Variants in FAM131B observed in about 807,000 individuals in gnomAD.
FAM131B encodes the protein protein FAM131B.
FAM131B carries 19 observed loss-of-function variants against 42.0 expected under a neutral mutation model. The observed-to-expected ratio is 0.45, with a 90% CI of 0.32 to 0.66. The LOEUF (loss-of-function observed/expected upper bound fraction) is 0.66, where lower values mean the gene tolerates loss of function less well. Ranked by LOEUF, FAM131B falls within the 30% of genes least tolerant of loss-of-function variation. The probability of loss-of-function intolerance (pLI) is 0.05; values close to 1 mark genes in which losing one functional copy is unlikely to be tolerated. For missense variants in FAM131B, 370 were observed against 468.4 expected, an observed-to-expected ratio of 0.79 and a Z score of 1.94; for synonymous variants, 183 against 177.6, an observed-to-expected ratio of 1.03 and a Z score of -0.24.
chr7:143,381,052 C>T, the FAM131B span: 391 of 324,854 alleles, frequency 1.2e-3, 2 homozygotes, highest in African/African-American at 8.4e-3. Context: ...GAAATGACAT[C>T]AGAGGCCTGT....
chr7:143,372,576 T>C, the FAM131B span, among the ~76,000 whole-genome samples: 1 of 152,352 alleles, frequency 6.6e-6, no homozygotes, highest in African/African-American at 2.4e-5. Context: ...GCACCTGCAA[T>C]GGGACTAGCG....
chr7:143,366,429 C>T (rs1480571413), upstream of FAM131B, among the ~76,000 whole-genome samples: 3 of 152,130 alleles, frequency 2.0e-5, no homozygotes, highest in Non-Finnish European at 2.9e-5. Flanking sequence ...CTTTGGGGCA[C>T]TCCTAGTGGT....
chr7:143,357,345 T>G lies in FAM131B; in HGVS notation c.545A>C (p.Asn182Thr). The part of the protein sequence containing the change: ...SSMDGEDMSV[N>T]STQEPLGCNY... ...GCAGCCCAATGGCTCCTGGGTGGAG[T>G]TCACACTCATGTCCTCACCATCCAT... Residue 182 changes from asparagine to threonine, a missense_variant, in exon 6 of 7, where the codon AAC (asparagine) becomes ACC (threonine). Coordinates refer to ENST00000443739, the MANE Select transcript of FAM131B (RefSeq NM_001031690.3). The G allele has an allele frequency of 1.2e-6, 2 of 1,614,052 alleles. No individual in the cohort carries two copies. The highest frequency in any genetic ancestry group is 1.7e-6 in the Non-Finnish European group (2 of 1,179,932).
At chr7:143,378,479 C>A in the FAM131B span, among the ~76,000 whole-genome samples, 1 of 152,142 alleles carries the variant, frequency 6.6e-6, no homozygotes, top group East Asian at 1.9e-4. Flanking sequence ...ATTTGCTGTA[C>A]TTCACACATA....
At chr7:143,365,429 A>C (rs191516180), upstream of FAM131B, among the ~76,000 whole-genome samples, 334 of 152,298 alleles carry the variant, frequency 2.2e-3, no homozygotes, top group Admixed American at 2.4e-3. Context: ...TGCAAATATC[A>C]ATATACAATT....
Position 143,359,121 on chromosome 7 carries a change from A to G in FAM131B, c.269-97T>C. 1 of 1,306,270 alleles carries G rather than the reference A, an allele frequency of 7.7e-7. No homozygotes were observed. Among genetic ancestry groups the G allele is most frequent in the South Asian group, 1.3e-5 (1 of 75,700 alleles). The allele number at this position is 1,306,270 out of a possible 1,614,324, so 80.9% of individuals were successfully genotyped here. On this transcript the variant is annotated intron_variant, in intron 4 of 6. Coordinates refer to ENST00000443739, the MANE Select transcript of FAM131B (RefSeq NM_001031690.3). This position sits in a 1 kb window ranked among gnomAD's most constrained non-coding sequence, Gnocchi z 5.4. Reference sequence around the variant, plus strand: ...TCCCACCCCAGCCCCATGAGGCTCCATCCCACTGGGCCAGGCTCCCCTAAG... The same window carrying G: ...TCCCACCCCAGCCCCATGAGGCTCCGTCCCACTGGGCCAGGCTCCCCTAAG...
At chr7:143,369,927 C>T in the FAM131B span, among the ~76,000 whole-genome samples, 2 of 152,154 alleles carry the variant, frequency 1.3e-5, no homozygotes, top group Non-Finnish European at 2.9e-5. Context: ...TGTTCACTCA[C>T]TGAATCAATC....
rs1803794692 is a variant in FAM131B, at chr7:143,358,547, G to A, written c.466+280C>T. Among the ~76,000 whole-genome samples the A allele has an allele frequency of 6.6e-6, 1 of 152,202 alleles. No individual in the cohort carries two copies. The highest frequency in any genetic ancestry group is 6.5e-5 in the Admixed American group (1 of 15,284). ...CCCATTTTTTTCCCTGCACTTGAGG[G>A]AGTTCAGGTTTGGATAGTCCCGTGA... is the stretch of plus-strand genomic sequence containing the variant. On this transcript the variant is annotated intron_variant, in intron 5 of 6. Transcript: ENST00000443739. This position sits in a 1 kb window ranked among gnomAD's most constrained non-coding sequence, Gnocchi z 4.7.
In FAM131B at chr7:143,354,272, C is replaced by T. The variant is rs1328272898; in HGVS notation, c.*2278G>A. ...CTTCAGATCTTTAGTCATCTTTTGTCAGGGACCATTTGGCTTCCTTGGGAA... is the reference window on the plus strand; with the variant it reads ...CTTCAGATCTTTAGTCATCTTTTGTTAGGGACCATTTGGCTTCCTTGGGAA... On this transcript the variant is annotated 3_prime_UTR_variant, in exon 7 of 7. Coordinates refer to ENST00000443739, the MANE Select transcript of FAM131B (RefSeq NM_001031690.3). The T allele has an allele frequency of 6.6e-6, 1 of 152,320 alleles. No individual in the cohort carries two copies. Among genetic ancestry groups the T allele is most frequent in the African/African-American group, 2.4e-5 (1 of 41,434 alleles). The allele number at this position is 152,320 out of a possible 1,614,324, so 9.4% of individuals were successfully genotyped here.
At chr7:143,382,260 C>T in the FAM131B span, 4 of 1,612,782 alleles carry the variant, frequency 2.5e-6, no homozygotes, top group South Asian at 1.1e-5. Flanking sequence ...TTTCCCCTGC[C>T]TCCACCTCCC....
At chr7:143,369,418 T>C in the FAM131B span, among the ~76,000 whole-genome samples, 1 of 152,194 alleles carries the variant, frequency 6.6e-6, no homozygotes, top group Non-Finnish European at 1.5e-5. Flanking sequence ...CTCACGCCTG[T>C]AATCCCAGCA....
At chr7:143,372,678 G>T in the FAM131B span, among the ~76,000 whole-genome samples, 1 of 152,176 alleles carries the variant, frequency 6.6e-6, no homozygotes, top group Non-Finnish European at 1.5e-5. Flanking sequence ...AATTTTTAAG[G>T]CCTGGCACAG....
chr7:143,367,954 A>C, the FAM131B span, among the ~76,000 whole-genome samples: 3 of 152,224 alleles, frequency 2.0e-5, no homozygotes, highest in Non-Finnish European at 4.4e-5. Context: ...TTCTTTGGGA[A>C]GCACATTTGT....
chr7:143,361,061 C>T (rs1803945817), intron 1 of FAM131B: 1 of 152,086 alleles, frequency 6.6e-6, no homozygotes, highest in Admixed American at 6.5e-5. Context: ...CGTACAGGCC[C>T]TTTATACTCA....
At chr7:143,365,281 T>C (rs1804154663), upstream of FAM131B, among the ~76,000 whole-genome samples, 1 of 152,150 alleles carries the variant, frequency 6.6e-6, no homozygotes, top group Non-Finnish European at 1.5e-5. Flanking sequence ...CAGATGCCAG[T>C]GGGCTGCATG....
At chr7:143,373,042 T>C in the FAM131B span, among the ~76,000 whole-genome samples, 1 of 152,114 alleles carries the variant, frequency 6.6e-6, no homozygotes, top group Admixed American at 6.5e-5. Context: ...GGTTACATGT[T>C]TGGGTATATA....
At chr7:143,362,759 G>A, upstream of FAM131B, 1 of 264,140 alleles carries the variant, frequency 3.8e-6, no homozygotes, top group Non-Finnish European at 6.5e-6. This position sits in a 1 kb window ranked among gnomAD's most constrained non-coding sequence, Gnocchi z 7.7. Flanking sequence ...CCCCACGGCA[G>A]CTCCGTCGCC....
At position 143,359,876 on chromosome 7, in the gene FAM131B, C is replaced by T. The variant is rs535163992; in HGVS notation, c.139-109G>A. On this transcript the variant is annotated intron_variant, in intron 2 of 6. Transcript: ENST00000443739. The surrounding 1 kb of genome is among the most constrained non-coding windows in gnomAD (Gnocchi z 5.4). ...GAGTGCGGGATGTGGGGAGGGCTTT[C>T]CTGAGGTTGATGCCGCTAACTGGGT... is the stretch of plus-strand genomic sequence containing the variant. 2 of 1,155,464 alleles carry T rather than the reference C, an allele frequency of 1.7e-6. No individual in the cohort carries two copies. Among genetic ancestry groups the T allele is most frequent in the Non-Finnish European group, 2.5e-6 (2 of 789,944 alleles). 71.6% of individuals were successfully genotyped at this position (1,155,464 alleles called of 1,614,324 possible).
At chr7:143,368,052 T>C in the FAM131B span, among the ~76,000 whole-genome samples, 3 of 152,208 alleles carry the variant, frequency 2.0e-5, no homozygotes, top group Non-Finnish European at 4.4e-5. Context: ...CGCGCCTGCA[T>C]ATCTGCCAGA....
Sources: allele counts gnomAD v4.1 joint callset (sites outside exome capture counted in the v4.1 genomes callset), GRCh38; gene constraint gnomAD v4.1.1; non-coding constraint Gnocchi (gnomAD v3.1); transcripts MANE v1.5; gene names NCBI Gene and HGNC (gene_info 2026-07-23, HGNC 2026-07-21).